PLEKHA7: variants seen among roughly 807,000 people sequenced by gnomAD.
PLEKHA7 encodes the protein pleckstrin homology domain-containing family A member 7.
In PLEKHA7, 104 loss-of-function variants were observed where a neutral mutation model predicts 170.0. The observed-to-expected ratio is 0.61, with a 90% confidence interval of 0.52 to 0.72. PLEKHA7 has a LOEUF of 0.72. Among genes scored for constraint, PLEKHA7 ranks in the 30% least tolerant of loss-of-function variants. The pLI, the probability that PLEKHA7 is intolerant of heterozygous loss-of-function variation, is 0.00. For missense variants in PLEKHA7, 1,615 were observed against 1,671.7 expected, an observed-to-expected ratio of 0.97 and a Z score of 0.59; for synonymous variants, 648 against 660.8, an observed-to-expected ratio of 0.98 and a Z score of 0.30.
chr11:16,969,843 T>C (rs1014210877), intron 3 of PLEKHA7, among the ~76,000 whole-genome samples: 7 of 152,194 alleles, frequency 4.6e-5, no homozygotes, highest in African/African-American at 1.7e-4. Flanking sequence ...CTGGTGCCAA[T>C]ATCCTTCCTT....
intron 3 of PLEKHA7, among the ~76,000 whole-genome samples, chr11:16,952,288 G>A (rs899794949): frequency 1.3e-5 from 2 of 152,152 alleles, no homozygotes; most frequent in African/African-American, 4.8e-5. Context: ...GGAAGTGAGA[G>A]GGGAAAGGGA....
intron 6 of PLEKHA7, 58 bp downstream of exon 6, chr11:16,854,825 TGGGAAA>T: frequency 7.0e-7 from 1 of 1,437,310 alleles, no homozygotes; most frequent in South Asian, 1.2e-5. Flanking sequence ...TCCTGGTGCC[TGGGAAA>T]GGAGAGAACT....
rs1226443593 is a variant in PLEKHA7, at chr11:16,871,118, C to T, written c.286G>A (p.Glu96Lys). 1.9e-6 allele frequency: 3 copies of T among 1,602,114 alleles called. No individual in the cohort carries two copies. The highest frequency in any genetic ancestry group is 1.3e-5 in the African/African-American group (1 of 74,572). Residue 96 changes from glutamate to lysine, a missense_variant, in exon 4 of 27, where the codon GAA becomes AAA. Transcript: ENST00000531066. ...VTGQFSPENS[E>K]FILQEEPNPH... Reference sequence around the variant, plus strand: ...ACTTACTCTTCTTGAAGAATGAATTCACTATTTTCTGGAGAAAACTGTCCC... The same window carrying T: ...ACTTACTCTTCTTGAAGAATGAATTTACTATTTTCTGGAGAAAACTGTCCC...
chr11:16,929,980 G>A (rs1284370424), intron 3 of PLEKHA7, among the ~76,000 whole-genome samples: 1 of 151,514 alleles, frequency 6.6e-6, no homozygotes, highest in East Asian at 2.0e-4. Context: ...CTCCAGCCTG[G>A]CAACAGAGTG....
At chr11:16,803,452 A>C in intron 13 of PLEKHA7, 157 bp from the exon 14 acceptor site, 1 of 673,574 alleles carries the variant, frequency 1.5e-6, no homozygotes, top group Non-Finnish European at 2.5e-6. Flanking sequence ...ATACTTCGCT[A>C]TTTCTATGCC....
At chr11:16,983,989 AG>A (rs1485944519) in intron 3 of PLEKHA7, among the ~76,000 whole-genome samples, 1 of 152,180 alleles carries the variant, frequency 6.6e-6, no homozygotes, top group Non-Finnish European at 1.5e-5. Flanking sequence ...CTTAGGTGAG[AG>A]GGTCACTTGA....
chr11:16,868,397 T>G (rs433660), intron 4 of PLEKHA7, among the ~76,000 whole-genome samples: 2 of 151,984 alleles, frequency 1.3e-5, no homozygotes, highest in African/African-American at 2.4e-5. Context: ...TTGAGGGGCA[T>G]GCACACATTA....
At position 17,014,378 on chromosome 11, in the gene PLEKHA7, C is replaced by G. The variant is rs779231040; in HGVS notation, c.24G>C (p.Arg8=). MAAATVG[R]DTLPEHWSYG... The stretch of plus-strand genomic sequence containing the variant: ...AGGACCAATGCTCAGGTAAAGTGTC[C>G]CGCCCGACCGTCGCCGCCGCCATGT... Residue 8 remains arginine, a synonymous_variant, in exon 1 of 27, where the codon CGG becomes CGC. Transcript: ENST00000531066. 36 of 1,389,278 alleles carry G rather than the reference C, an allele frequency of 2.6e-5. No individual in the cohort carries two copies. Among genetic ancestry groups the G allele is most frequent in the Non-Finnish European group, 8.5e-6 (9 of 1,062,094 alleles). The allele number at this position is 1,389,278 out of a possible 1,614,324, so 86.1% of individuals were successfully genotyped here. A position where few individuals can be genotyped will look rare whatever the true frequency, so the allele number is the denominator to read the frequency against.
At chr11:16,980,553 T>C (rs942763202) in intron 3 of PLEKHA7, among the ~76,000 whole-genome samples, 1 of 152,192 alleles carries the variant, frequency 6.6e-6, no homozygotes, top group Non-Finnish European at 1.5e-5. Flanking sequence ...AGATGAGACA[T>C]CAGAGAAGAA....
At chr11:16,993,424 A>T (rs1480223670) in intron 3 of PLEKHA7, among the ~76,000 whole-genome samples, 1 of 152,154 alleles carries the variant, frequency 6.6e-6, no homozygotes, top group Admixed American at 6.5e-5. Context: ...ACCAGAAACA[A>T]CCAGCACCCA....
chr11:16,851,076 T>C (rs1043957040), intron 8 of PLEKHA7, 115 bp downstream of exon 8: 1 of 666,234 alleles, frequency 1.5e-6, no homozygotes, highest in Non-Finnish European at 2.4e-6. Flanking sequence ...TTAACCGGAA[T>C]CTGAAACTCT....
At chr11:16,999,221 C>G (rs1030304429) in intron 3 of PLEKHA7, among the ~76,000 whole-genome samples, 1 of 151,994 alleles carries the variant, frequency 6.6e-6, no homozygotes, top group Admixed American at 6.6e-5. Flanking sequence ...TCTGCCGGGA[C>G]ACATGTATTC....
intron 10 of PLEKHA7, among the ~76,000 whole-genome samples, chr11:16,821,593 A>C (rs1317748629): frequency 6.6e-6 from 1 of 152,226 alleles, no homozygotes; most frequent in Non-Finnish European, 1.5e-5. Flanking sequence ...TGAGATTAGC[A>C]GTCTTGATGA....
At chr11:16,876,593 G>T (rs766240699) in intron 3 of PLEKHA7, among the ~76,000 whole-genome samples, 2 of 152,212 alleles carry the variant, frequency 1.3e-5, no homozygotes, top group Non-Finnish European at 2.9e-5. Context: ...CCTGGGCCAG[G>T]AAGTACTTGG....
intron 3 of PLEKHA7, among the ~76,000 whole-genome samples, chr11:16,967,851 C>G (rs1191065496): frequency 6.6e-6 from 1 of 152,192 alleles, no homozygotes; most frequent in Non-Finnish European, 1.5e-5. Context: ...TCACCCCACC[C>G]CTCACCAGCC....
intron 3 of PLEKHA7, among the ~76,000 whole-genome samples, chr11:16,915,634 T>C (rs965912084): frequency 1.3e-5 from 2 of 151,398 alleles, no homozygotes; most frequent in South Asian, 2.1e-4. Context: ...GTTCTTGCGA[T>C]AGTTTACTGA....
chr11:16,915,219 T>C (rs1261978341), intron 3 of PLEKHA7, among the ~76,000 whole-genome samples: 1 of 152,198 alleles, frequency 6.6e-6, no homozygotes, highest in Non-Finnish European at 1.5e-5. Context: ...ACAACATCTC[T>C]GAGGCAGGCT....
chr11:16,919,731 C>G (rs1236233908), intron 3 of PLEKHA7, among the ~76,000 whole-genome samples: 1 of 151,982 alleles, frequency 6.6e-6, no homozygotes, highest in Non-Finnish European at 1.5e-5. Context: ...CCATTCCCCT[C>G]CAGTTCCAAT....
chr11:16,814,076 CA>C (rs1486603478), intron 12 of PLEKHA7, among the ~76,000 whole-genome samples: 3 of 152,176 alleles, frequency 2.0e-5, no homozygotes, highest in African/African-American at 7.2e-5. Context: ...GTCACACAGA[CA>C]AACCACACGA....
Sources: gnomAD v4.1 joint callset for allele counts (sites outside exome capture counted in the v4.1 genomes callset) on GRCh38, gnomAD v4.1.1 for gene constraint, MANE v1.5 for transcripts, NCBI Gene and HGNC (gene_info 2026-07-23, HGNC 2026-07-21) for gene names.